Variants in KCNQ1 observed in about 807,000 individuals in gnomAD.
KCNQ1 encodes potassium voltage-gated channel subfamily Q member 1, also known as potassium voltage-gated channel subfamily KQT member 1.
KCNQ1 carries 49 observed loss-of-function variants against 72.4 expected under a neutral mutation model. That is an observed-to-expected ratio of 0.68 (90% CI 0.54 to 0.86). The LOEUF is 0.86. KCNQ1 is among the 40% of genes least tolerant of loss of function. KCNQ1 has a pLI of 0.00. For missense variants in KCNQ1, 790 were observed against 945.1 expected, an observed-to-expected ratio of 0.84 and a Z score of 2.15; for synonymous variants, 450 against 412.6, an observed-to-expected ratio of 1.09 and a Z score of -1.10.
intron 1 of KCNQ1, among the ~76,000 whole-genome samples, chr11:2,521,868 C>A (rs1847388000): frequency 6.6e-6 from 1 of 152,216 alleles, no homozygotes; most frequent in Non-Finnish European, 1.5e-5. Flanking sequence ...CACTCAGGGG[C>A]CCTAGTGTGT....
chr11:2,445,803 C>T (rs1000544684), intron 1 of KCNQ1, among the ~76,000 whole-genome samples: 1 of 152,092 alleles, frequency 6.6e-6, no homozygotes, highest in African/African-American at 2.4e-5. Context: ...GGAAGAGAAG[C>T]GTGCTGGGGA....
chr11:2,538,673 G>A lies in KCNQ1; in HGVS notation c.477+10655G>A, dbSNP rs1847774898. Among the ~76,000 whole-genome samples, 1 of 151,600 alleles carries A rather than the reference G, an allele frequency of 6.6e-6. No homozygotes were observed. Among genetic ancestry groups the A allele is most frequent in the African/African-American group, 2.4e-5 (1 of 41,194 alleles). On this transcript the variant is annotated intron_variant, in intron 2 of 15. Coordinates refer to ENST00000155840, the MANE Select transcript of KCNQ1 (RefSeq NM_000218.3). The surrounding 1 kb of genome is among the most constrained non-coding windows in gnomAD (Gnocchi z 6.7). Reference sequence around the variant, plus strand: ...ACCGGAAACTTCCCTGAGTATACGGGGCCTTGTGTGTGGAGGGGCCCTACG... The same window carrying A: ...ACCGGAAACTTCCCTGAGTATACGGAGCCTTGTGTGTGGAGGGGCCCTACG...
chr11:2,500,632 C>T (rs994478094), intron 1 of KCNQ1, among the ~76,000 whole-genome samples: 2 of 152,094 alleles, frequency 1.3e-5, no homozygotes, highest in African/African-American at 2.4e-5. Flanking sequence ...CCCAAATGCC[C>T]ATCAATGATA....
chr11:2,729,298 G>T (rs939006568), intron 11 of KCNQ1, among the ~76,000 whole-genome samples: 8 of 152,248 alleles, frequency 5.3e-5, no homozygotes, highest in Non-Finnish European at 1.5e-5. Flanking sequence ...TCTGTGCCTC[G>T]GTGCCCACAC....
chr11:2,681,872 ACCATCTAGGTGGGGAGAAAACACACCGG>A, intron 11 of KCNQ1: 1 of 398,502 alleles, frequency 2.5e-6, no homozygotes. Flanking sequence ...GCCCAGCACT[ACCATCTAGGTGGGGAGAAAACACACCGG>A]CCATAATGAA....
rs959015181 is a variant in KCNQ1, at chr11:2,492,363, A to G, written c.387-35565A>G. On this transcript the variant is annotated intron_variant, in intron 1 of 15. Coordinates refer to ENST00000155840, the MANE Select transcript of KCNQ1 (RefSeq NM_000218.3). The surrounding 1 kb of genome is among the most constrained non-coding windows in gnomAD (Gnocchi z 4.1). The stretch of plus-strand genomic sequence containing the variant: ...TTGAAGTGTAGAGATTTTTTGTTTT[A>G]CTTTAAGTTCTGGAATACGTGTGCT... Among the ~76,000 whole-genome samples, 1 of 152,144 alleles carries G rather than the reference A, an allele frequency of 6.6e-6. No homozygotes were observed. The highest frequency in any genetic ancestry group is 1.5e-5 in the Non-Finnish European group (1 of 68,010).
chr11:2,466,257 G>A (rs559840143), intron 1 of KCNQ1, among the ~76,000 whole-genome samples: 31 of 152,290 alleles, frequency 2.0e-4, no homozygotes, highest in African/African-American at 7.2e-4. Context: ...GTGGAGAAGC[G>A]ATCTCCAAAG....
rs1848820185 is a variant in KCNQ1, at chr11:2,602,333, A to G, written c.1393+13479A>G. Among the ~76,000 whole-genome samples the G allele has an allele frequency of 6.6e-6, 1 of 151,962 alleles. No homozygotes were observed. ...GCCACTAAGTTTGTGGAAATGTATT[A>G]CAGCAGCCATGGGAACCTTATACAT... On this transcript the variant is annotated intron_variant, in intron 10 of 15. Coordinates refer to ENST00000155840, the MANE Select transcript of KCNQ1 (RefSeq NM_000218.3). The surrounding 1 kb of genome is among the most constrained non-coding windows in gnomAD (Gnocchi z 4.8).
chr11:2,609,281 TG>T (rs1848935539), intron 10 of KCNQ1: 2 of 398,360 alleles, frequency 5.0e-6, no homozygotes, highest in East Asian at 7.1e-5. Flanking sequence ...TTTCACCCAT[TG>T]ATTATTTAAG....
chr11:2,635,090 CA>C (rs1849436853), intron 10 of KCNQ1: 6 of 152,030 alleles, frequency 3.9e-5, no homozygotes, highest in Admixed American at 3.3e-4. Context: ...AGCCTTTTAT[CA>C]GATGAGTAGA....
chr11:2,667,575 G>C (rs1374087186), intron 11 of KCNQ1: 2 of 398,358 alleles, frequency 5.0e-6, no homozygotes, highest in Non-Finnish European at 8.8e-6. Flanking sequence ...AGTTGGGGCA[G>C]GGGGTCGGGG....
intron 11 of KCNQ1, chr11:2,672,740 CT>C: frequency 2.5e-6 from 1 of 398,876 alleles, no homozygotes; most frequent in Non-Finnish European, 4.4e-6. Context: ...AAGTTCTATG[CT>C]TTTTTGCTGG....
rs1222429989 is a variant in KCNQ1, at chr11:2,670,703, T to A, written c.1514+8622T>A. On this transcript the variant is annotated intron_variant, in intron 11 of 15. Transcript: ENST00000155840. The surrounding 1 kb of genome is among the most constrained non-coding windows in gnomAD (Gnocchi z 4.9). Reference sequence around the variant, plus strand: ...GCAGTAACAAGACAAAGGGATTCTGTGGCCCATGGAGCAGGAGGGAACAGT... The same window carrying A: ...GCAGTAACAAGACAAAGGGATTCTGAGGCCCATGGAGCAGGAGGGAACAGT... 7.5e-6 allele frequency: 3 copies of A among 398,466 alleles called. No homozygotes were observed. The highest frequency in any genetic ancestry group is 1.3e-5 in the Non-Finnish European group (3 of 226,112). 24.7% of individuals were successfully genotyped at this position (398,466 alleles called of 1,614,324 possible).
At position 2,488,974 on chromosome 11, in the gene KCNQ1, T is replaced by G. The variant is rs760877935; in HGVS notation, c.387-38954T>G. ...CTTTCTTGTTTATTAATGTAACAAT[T>G]TATAGGGAGGGAGTGGAGCAAGATG... is the stretch of plus-strand genomic sequence containing the variant. On this transcript the variant is annotated intron_variant, in intron 1 of 15. Transcript: ENST00000155840. The surrounding 1 kb of genome is among the most constrained non-coding windows in gnomAD (Gnocchi z 5.1). 1.3e-5 allele frequency among the ~76,000 whole-genome samples: 2 copies of G among 152,192 alleles called. No homozygotes were observed. The highest frequency in any genetic ancestry group is 4.1e-4 in the South Asian group (2 of 4,824).
chr11:2,469,036 G>A lies in KCNQ1; in HGVS notation c.386+23552G>A, dbSNP rs181816372. On this transcript the variant is annotated intron_variant, in intron 1 of 15. Coordinates refer to ENST00000155840, the MANE Select transcript of KCNQ1 (RefSeq NM_000218.3). ...TCCCCTTTTGCAGTCCAGCAGCTCCGTGCGACAGCTCTAGTTCCTCTGTCT... is the reference window on the plus strand; with the variant it reads ...TCCCCTTTTGCAGTCCAGCAGCTCCATGCGACAGCTCTAGTTCCTCTGTCT... 9.2e-5 allele frequency among the ~76,000 whole-genome samples: 14 copies of A among 152,282 alleles called. No individual in the cohort carries two copies. In the East Asian group the frequency reaches 1.2e-3, roughly 13 times the overall value.
chr11:2,709,955 C>A (rs231901), intron 11 of KCNQ1, among the ~76,000 whole-genome samples: 2 of 152,012 alleles, frequency 1.3e-5, no homozygotes, highest in Non-Finnish European at 2.9e-5. Flanking sequence ...CATTTGGGTA[C>A]GAGTTTTTAT....
chr11:2,587,705 C>A lies in KCNQ1; in HGVS notation c.1251+13C>A, dbSNP rs201364493. The stretch of plus-strand genomic sequence containing the variant: ...GAAGTCTGTGGTGGTGAGTAGCCCA[C>A]CTGCCACCAGGGCAGGGCCTTCTTG... On this transcript the variant is annotated intron_variant, in intron 9 of 15. Coordinates refer to ENST00000155840, the MANE Select transcript of KCNQ1 (RefSeq NM_000218.3). 47 of 1,613,574 alleles carry A rather than the reference C, an allele frequency of 2.9e-5. No individual in the cohort carries two copies. In the African/African-American group the frequency reaches 5.7e-4, roughly 20 times the overall value.
chr11:2,506,754 G>GC (rs1358988265), intron 1 of KCNQ1, among the ~76,000 whole-genome samples: 2 of 152,238 alleles, frequency 1.3e-5, no homozygotes, highest in African/African-American at 4.8e-5. Context: ...AGTTGCGCCA[G>GC]CAGCGTGCTG....
intron 7 of KCNQ1, 37 bp from the exon 8 acceptor site, chr11:2,585,175 C>A: frequency 6.4e-7 from 1 of 1,570,368 alleles, no homozygotes; most frequent in Non-Finnish European, 8.8e-7. Context: ...TGGCAGTGGC[C>A]TGTGTGGACG....
Sources: gnomAD v4.1 joint callset for allele counts (sites outside exome capture counted in the v4.1 genomes callset) on GRCh38, gnomAD v4.1.1 for gene constraint, Gnocchi (gnomAD v3.1) non-coding constraint, MANE v1.5 for transcripts, NCBI Gene and HGNC (gene_info 2026-07-23, HGNC 2026-07-21) for gene names.